The following GTSE1 variants were observed in gnomAD, a reference collection of about 807,000 sequenced individuals.
GTSE1 encodes G2 and S phase-expressed protein 1.
A neutral mutation model predicts 60.5 loss-of-function variants in GTSE1; 52 were observed. The ratio of observed to expected loss-of-function variants is 0.86; its 90% CI spans 0.69 to 1.08. The LOEUF (loss-of-function observed/expected upper bound fraction) is 1.08, where lower values mean the gene tolerates loss of function less well. Ranked by LOEUF, GTSE1 falls within the 50% of genes least tolerant of loss-of-function variation. The pLI, the probability that GTSE1 is intolerant of heterozygous loss-of-function variation, is 0.00. For synonymous variants in GTSE1, 368 were observed against 386.5 expected, an observed-to-expected ratio of 0.95 and a Z score of 0.56; for missense variants, 937 against 961.8, an observed-to-expected ratio of 0.97 and a Z score of 0.34.
intron 2 of GTSE1, 149 bp from the exon 3 acceptor site, chr22:46,308,001 A>G (rs896302675): frequency 4.7e-5 from 29 of 619,796 alleles, no homozygotes; most frequent in Middle Eastern, 4.3e-4. Context: ...AGAGCCCCCT[A>G]TGAAAAACTA....
chr22:46,311,090 T>A (rs1225059966), intron 4 of GTSE1, among the ~76,000 whole-genome samples: 1 of 151,998 alleles, frequency 6.6e-6, no homozygotes, highest in Non-Finnish European at 1.5e-5. Flanking sequence ...TTTTGTTTTG[T>A]TTCTGAGACA....
At position 46,308,118 on chromosome 22, in the gene GTSE1, C is replaced by G. The variant is rs2077725424; in HGVS notation, c.80-32C>G. The G allele has an allele frequency of 2.8e-6, 4 of 1,443,518 alleles. No individual in the cohort carries two copies. The Admixed American group carries it at 5.1e-5, about 18-fold the overall frequency. The allele number at this position is 1,443,518 out of a possible 1,614,324, so 89.4% of individuals were successfully genotyped here. A position where few individuals can be genotyped will look rare whatever the true frequency, so the allele number is the denominator to read the frequency against. On this transcript the variant is annotated intron_variant, in intron 2 of 11. Coordinates refer to ENST00000454366, the MANE Select transcript of GTSE1 (RefSeq NM_016426.7). ...ATATTTTTCTCTTTATCAGCTGTGG[C>G]ACTAAAATAACAGTGGATTTTTTCC... is the stretch of plus-strand genomic sequence containing the variant.
In GTSE1 at chr22:46,326,557, C is replaced by T. The variant is rs2077845412; in HGVS notation, c.1627C>T (p.Pro543Ser). The stretch of plus-strand genomic sequence containing the variant: ...CAGCCGGCGCTGCTCTGGCCTTCCA[C>T]CGATGACCCCCAAAACGATGCCCAG... ...PASRRCSGLP[P>S]MTPKTMPRAV... is the part of the protein sequence containing the mutation. Residue 543 changes from proline to serine, a missense_variant, in exon 9 of 12, where the codon CCG (proline) becomes TCG (serine). By Grantham distance (74) the Pro-to-Ser change is moderately conservative. Coordinates refer to ENST00000454366, the MANE Select transcript of GTSE1 (RefSeq NM_016426.7). 2 of 1,614,180 alleles carry T rather than the reference C, an allele frequency of 1.2e-6. No homozygotes were observed.
chr22:46,328,966 G>A (rs755126792), intron 10 of GTSE1, 77 bp downstream of exon 10: 57 of 1,186,976 alleles, frequency 4.8e-5, no homozygotes, highest in Middle Eastern at 5.2e-4. Flanking sequence ...GGAACCCAGG[G>A]CTGTGGCTGG....
Position 46,329,555 on chromosome 22 carries a change from G to A in GTSE1, c.2124G>A (p.Pro708=), listed in dbSNP as rs562682966. 8.7e-6 allele frequency: 14 copies of A among 1,613,336 alleles called. No individual in the cohort carries two copies. The highest frequency in any genetic ancestry group is 4.5e-5 in the East Asian group (2 of 44,882). Residue 708 remains proline, a synonymous_variant, in exon 11 of 12, where the codon CCG becomes CCA. Coordinates refer to ENST00000454366, the MANE Select transcript of GTSE1 (RefSeq NM_016426.7). The surrounding 1 kb of genome is among the most constrained non-coding windows in gnomAD (Gnocchi z 6.4). The part of the protein sequence containing the change: ...DMNKNVAKPS[P]VVGQLIDLSS... ...ATAAAAATGTGGCCAAACCTTCACC[G>A]GTGGTGGGACAGGTGAGAAGTGGCA...
rs779896688 is a variant in GTSE1 at position 46,312,235 on chromosome 22, G to C, written c.857G>C (p.Gly286Ala). 1 of 1,614,178 alleles carries C rather than the reference G, an allele frequency of 6.2e-7. No homozygotes were observed. Among genetic ancestry groups the C allele is most frequent in the South Asian group, 1.1e-5 (1 of 91,080 alleles). Residue 286 changes from glycine (G) to alanine (A), a missense_variant, in exon 5 of 12, where the codon GGT (glycine) becomes GCT (alanine). Physicochemically the swap from Gly to Ala is moderately conservative, Grantham distance 60. Coordinates refer to ENST00000454366, the MANE Select transcript of GTSE1 (RefSeq NM_016426.7). Reference sequence around the variant, plus strand: ...GTTCTCCCTGACAAACCTGCCCCGGGTGCTGTCAATGTGCCGGCCGCCGGA... The same window carrying C: ...GTTCTCCCTGACAAACCTGCCCCGGCTGCTGTCAATGTGCCGGCCGCCGGA... ...RDVLPDKPAP[G>A]AVNVPAAGSH...
At chr22:46,325,086 T>C (rs2077836127) in intron 8 of GTSE1, among the ~76,000 whole-genome samples, 1 of 152,226 alleles carries the variant, frequency 6.6e-6, no homozygotes, top group Non-Finnish European at 1.5e-5. Context: ...AAATCCAAGA[T>C]CAAGGCACCT....
chr22:46,330,133 C>T lies in GTSE1; in HGVS notation c.*3C>T, dbSNP rs778588271. ...ATTCCCCACTCCTCAAGTTCTAAGC[C>T]GAACCAAATCCTTTGCCTTGAAAGA... On this transcript the variant is annotated 3_prime_UTR_variant, in exon 12 of 12. Transcript: ENST00000454366. This position sits in a 1 kb window ranked among gnomAD's most constrained non-coding sequence, Gnocchi z 6.0. The T allele has an allele frequency of 8.3e-6, 13 of 1,568,248 alleles. No individual in the cohort carries two copies. Among genetic ancestry groups the T allele is most frequent in the African/African-American group, 5.4e-5 (4 of 74,116 alleles).
In GTSE1 at chr22:46,318,062, GCC is replaced by G; in HGVS notation, c.1432+1651_1432+1652del. On this transcript the variant is annotated intron_variant, in intron 7 of 11. Coordinates refer to ENST00000454366, the MANE Select transcript of GTSE1 (RefSeq NM_016426.7). The surrounding 1 kb of genome is among the most constrained non-coding windows in gnomAD (Gnocchi z 4.8). Reference sequence around the variant, plus strand: ...TCTAGTTTCTGGCCCTCAGATTGCAGCCACCTCAGCCTCCTGAGCTCCAGCCA... The same window carrying G: ...TCTAGTTTCTGGCCCTCAGATTGCAGACCTCAGCCTCCTGAGCTCCAGCCA... Among the ~76,000 whole-genome samples, 1 of 152,360 alleles carries G rather than the reference GCC, an allele frequency of 6.6e-6. No homozygotes were observed. Among genetic ancestry groups the G allele is most frequent in the South Asian group, 2.1e-4 (1 of 4,824 alleles).
In GTSE1 at chr22:46,329,442, G is replaced by A. The variant is rs762000503; in HGVS notation, c.2011G>A (p.Asp671Asn). 6 of 1,614,048 alleles carry A rather than the reference G, an allele frequency of 3.7e-6. No individual in the cohort carries two copies. Among genetic ancestry groups the A allele is most frequent in the South Asian group, 2.2e-5 (2 of 91,076 alleles). The change falls in exon 11 of 12, where the codon GAC becomes AAC. Residue 671 changes from aspartate (D) to asparagine (N), a missense_variant. Transcript: ENST00000454366. The surrounding 1 kb of genome is among the most constrained non-coding windows in gnomAD (Gnocchi z 6.4). ...GCCCCTCATTGACCTTCCTCTCATC[G>A]ACTTCTGCGATACCCCAGAAGCACA... ...SQPLIDLPLI[D>N]FCDTPEAHVA...
Position 46,308,497 on chromosome 22 carries a change from C to A in GTSE1, c.316C>A (p.His106Asn). The A allele has an allele frequency of 1.2e-6, 2 of 1,614,204 alleles. No homozygotes were observed. The highest frequency in any genetic ancestry group is 1.7e-6 in the Non-Finnish European group (2 of 1,180,038). The change falls in exon 4 of 12, where the codon CAC (histidine) becomes AAC (asparagine). Residue 106 changes from histidine (H) to asparagine (N), a missense_variant. Coordinates refer to ENST00000454366, the MANE Select transcript of GTSE1 (RefSeq NM_016426.7). ...EKFVEVYKEA[H>N]LLALHIESSS... ...GTTCGTGGAGGTGTACAAAGAAGCT[C>A]ACTTACTGGCTTTACACATTGAGAG...
At chr22:46,325,344 A>T (rs1391540119) in intron 8 of GTSE1, among the ~76,000 whole-genome samples, 1 of 151,614 alleles carries the variant, frequency 6.6e-6, no homozygotes, top group Non-Finnish European at 1.5e-5. Context: ...CCACAGGCAC[A>T]TGCCACCACA....
intron 2 of GTSE1, among the ~76,000 whole-genome samples, chr22:46,306,547 C>A: frequency 6.6e-6 from 1 of 152,044 alleles, no homozygotes. Context: ...GTGGCGCAAT[C>A]TTGGTTCATT....
Position 46,321,330 on chromosome 22 carries a change from G to C in GTSE1, c.1433-1860G>C, listed in dbSNP as rs2077811348. 6.6e-6 allele frequency among the ~76,000 whole-genome samples: 1 copy of C among 152,174 alleles called. No individual in the cohort carries two copies. Among genetic ancestry groups the C allele is most frequent in the Non-Finnish European group, 1.5e-5 (1 of 68,024 alleles). On this transcript the variant is annotated intron_variant, in intron 7 of 11. Coordinates refer to ENST00000454366, the MANE Select transcript of GTSE1 (RefSeq NM_016426.7). This position sits in a 1 kb window ranked among gnomAD's most constrained non-coding sequence, Gnocchi z 4.0. ...GAGGCAGGAAGATTACTTGAACCCAGGAGTTCAAGGCTGCAGTGAGCAGTG... is the reference window on the plus strand; with the variant it reads ...GAGGCAGGAAGATTACTTGAACCCACGAGTTCAAGGCTGCAGTGAGCAGTG...
Position 46,297,380 on chromosome 22 carries a change from T to C in GTSE1, c.-21T>C. ...TTTCTGGCCCCGTTCCACCCTGCAG[T>C]GACTTCTGACAGCTCTCTCCATGGA... On this transcript the variant is annotated splice_region_variant and 5_prime_UTR_variant, in exon 2 of 12. Transcript: ENST00000454366. The surrounding 1 kb of genome is among the most constrained non-coding windows in gnomAD (Gnocchi z 4.9). The C allele has an allele frequency of 6.3e-7, 1 of 1,583,758 alleles. No homozygotes were observed. The highest frequency in any genetic ancestry group is 1.1e-5 in the South Asian group (1 of 90,478).
chr22:46,300,021 T>C (rs973625157), intron 2 of GTSE1, among the ~76,000 whole-genome samples: 47 of 147,798 alleles, frequency 3.2e-4, no homozygotes, highest in Admixed American at 4.1e-4. Flanking sequence ...GCCAGGATGG[T>C]CTCAATCTCC....
chr22:46,326,723 C>T, intron 9 of GTSE1, 69 bp downstream of exon 9: 4 of 1,080,544 alleles, frequency 3.7e-6, no homozygotes, highest in Non-Finnish European at 5.3e-6. Context: ...AGTGACATAC[C>T]TTTTTCTTGC....
At chr22:46,325,108 G>A (rs1238218425) in intron 8 of GTSE1, among the ~76,000 whole-genome samples, 1 of 152,212 alleles carries the variant, frequency 6.6e-6, no homozygotes, top group Non-Finnish European at 1.5e-5. Context: ...CAGATTTGGT[G>A]TCTGGTGAGG....
At chr22:46,325,798 C>G (rs942344760) in intron 8 of GTSE1, among the ~76,000 whole-genome samples, 3 of 152,244 alleles carry the variant, frequency 2.0e-5, no homozygotes, top group African/African-American at 7.2e-5. Context: ...ATTCAGTCCA[C>G]AGCAAATGCC....
Sources: allele counts gnomAD v4.1 joint callset (sites outside exome capture counted in the v4.1 genomes callset), GRCh38; gene constraint gnomAD v4.1.1; non-coding constraint Gnocchi (gnomAD v3.1); transcripts MANE v1.5; gene names NCBI Gene and HGNC (gene_info 2026-07-23, HGNC 2026-07-21).